The following GALNTL6 variants were observed in gnomAD, a reference collection of about 807,000 sequenced individuals.
GALNTL6 encodes the protein polypeptide N-acetylgalactosaminyltransferase like 6.
GALNTL6 carries 46 observed loss-of-function variants against 73.7 expected under a neutral mutation model. The observed-to-expected ratio is 0.62, with a 90% confidence interval of 0.49 to 0.80. The LOEUF is 0.80. Among genes scored for constraint, GALNTL6 ranks in the 30% least tolerant of loss-of-function variants. The pLI is 0.00. For synonymous variants in GALNTL6, 259 were observed against 263.7 expected (o/e 0.98, Z 0.17); for missense variants, 604 against 755.0 (o/e 0.80, Z 2.34).
chr4:172,034,126 C>T (rs780109612), intron 2 of GALNTL6, among the ~76,000 whole-genome samples: 5 of 152,002 alleles, frequency 3.3e-5, no homozygotes, highest in Admixed American at 1.3e-4. Flanking sequence ...GATATTTGCT[C>T]CAAACCATCT....
intron 7 of GALNTL6, among the ~76,000 whole-genome samples, chr4:172,858,146 G>T (rs1744212045): frequency 6.6e-6 from 1 of 152,070 alleles, no homozygotes; most frequent in Non-Finnish European, 1.5e-5. Context: ...TGAAAAAGGG[G>T]TGACATTCCC....
At chr4:172,347,128 G>A (rs948363475) in intron 4 of GALNTL6, among the ~76,000 whole-genome samples, 1 of 151,284 alleles carries the variant, frequency 6.6e-6, no homozygotes, top group Admixed American at 6.6e-5. Context: ...TAGCTAGGAT[G>A]ACAGGCGTGT....
chr4:172,167,754 C>T (rs1376405877), intron 2 of GALNTL6, among the ~76,000 whole-genome samples: 2 of 148,800 alleles, frequency 1.3e-5, no homozygotes, highest in Non-Finnish European at 3.0e-5. Flanking sequence ...GTCAGGAGAT[C>T]GAGACCATCC....
chr4:172,305,490 AATTAT>A (rs1415132091), intron 3 of GALNTL6, among the ~76,000 whole-genome samples: 37 of 152,290 alleles, frequency 2.4e-4, no homozygotes, highest in African/African-American at 8.4e-4. Context: ...GATAATAGTA[AATTAT>A]ATTATAAATT....
chr4:172,050,566 T>G (rs544734113), intron 2 of GALNTL6, among the ~76,000 whole-genome samples: 1 of 152,174 alleles, frequency 6.6e-6, no homozygotes, highest in Non-Finnish European at 1.5e-5. Context: ...GTGGTCAGAG[T>G]TTAGTCCTTA....
In GALNTL6 at chr4:171,891,972, A is replaced by G. The variant is rs542275553; in HGVS notation, c.138+77254A>G. Among the ~76,000 whole-genome samples the G allele has an allele frequency of 6.6e-5, 10 of 152,338 alleles. No homozygotes were observed. The East Asian group carries it at 1.7e-3, about 26-fold the overall frequency. On this transcript the variant is annotated intron_variant, in intron 2 of 12. Transcript: ENST00000506823. ...CAAAAATCCAAAATCTGAAATGCTCACAAATCCAAAACTTTATAAGTATCA... is the reference window on the plus strand; with the variant it reads ...CAAAAATCCAAAATCTGAAATGCTCGCAAATCCAAAACTTTATAAGTATCA...
intron 2 of GALNTL6, among the ~76,000 whole-genome samples, chr4:172,174,288 T>C (rs1283499728): frequency 6.6e-6 from 1 of 152,246 alleles, no homozygotes; most frequent in East Asian, 1.9e-4. Flanking sequence ...GAAGTGTTTA[T>C]TCTCAATTTC....
intron 2 of GALNTL6, among the ~76,000 whole-genome samples, chr4:171,859,455 G>T (rs184536232): frequency 1.3e-5 from 2 of 152,014 alleles, no homozygotes; most frequent in East Asian, 3.9e-4. Context: ...GGAAGGGAGG[G>T]AGCATGGTGT....
rs1413546109 is a variant in GALNTL6, at chr4:171,883,642, G to GCTTTT, written c.138+68935_138+68939dup. 4.0e-5 allele frequency among the ~76,000 whole-genome samples: 6 copies of GCTTTT among 150,680 alleles called. No homozygotes were observed. The East Asian group carries it at 1.2e-3, about 29-fold the overall frequency. ...AAATTATACATGTTCTTATATATGT[G>GCTTTT]CTTTTCTTTTCTTTTTTTTTTTTGA... On this transcript the variant is annotated intron_variant, in intron 2 of 12. Transcript: ENST00000506823.
intron 9 of GALNTL6, among the ~76,000 whole-genome samples, chr4:172,947,614 C>T (rs1434678569): frequency 6.6e-6 from 1 of 151,394 alleles, no homozygotes; most frequent in Non-Finnish European, 1.5e-5. Context: ...TTAGCAGGTC[C>T]ACCAATGTCC....
rs529738746 is a variant in GALNTL6 at position 172,340,844 on chromosome 4, C to T, written c.387-7679C>T. Among the ~76,000 whole-genome samples the T allele has an allele frequency of 2.6e-5, 4 of 152,266 alleles. No homozygotes were observed. In the South Asian group the frequency reaches 8.3e-4, roughly 32 times the overall value. ...CTCTAATCCATTCTTGGGTTTTATTCTCCAGATAAGGGTTGTTCCTTTGTA... is the reference window on the plus strand; with the variant it reads ...CTCTAATCCATTCTTGGGTTTTATTTTCCAGATAAGGGTTGTTCCTTTGTA... On this transcript the variant is annotated intron_variant, in intron 4 of 12. Transcript: ENST00000506823.
chr4:172,403,403 C>T (rs926226051), intron 5 of GALNTL6, among the ~76,000 whole-genome samples: 1 of 151,976 alleles, frequency 6.6e-6, no homozygotes, highest in African/African-American at 2.4e-5. Flanking sequence ...GCCGTACATG[C>T]CATGAAGAGA....
intron 2 of GALNTL6, among the ~76,000 whole-genome samples, chr4:171,884,319 T>C (rs1437023666): frequency 6.6e-6 from 1 of 152,170 alleles, no homozygotes; most frequent in African/African-American, 2.4e-5. Flanking sequence ...AGAAAAGTAG[T>C]ATTTATTACC....
chr4:173,021,705 C>T (rs1210327766), intron 12 of GALNTL6, 80 bp downstream of exon 12: 10 of 1,454,536 alleles, frequency 6.9e-6, no homozygotes, highest in East Asian at 4.6e-5. Context: ...GAAAACACAC[C>T]GTTTTAGGCC....
At chr4:172,012,355 A>T (rs1470765554) in intron 2 of GALNTL6, among the ~76,000 whole-genome samples, 2 of 151,918 alleles carry the variant, frequency 1.3e-5, no homozygotes, top group Non-Finnish European at 2.9e-5. Context: ...TCCAGGGTCT[A>T]CTCTCTAGGC....
At chr4:171,986,948 C>T (rs372101637) in intron 2 of GALNTL6, among the ~76,000 whole-genome samples, 11 of 152,166 alleles carry the variant, frequency 7.2e-5, no homozygotes, top group South Asian at 2.1e-4. Flanking sequence ...CAGTGTAAAC[C>T]GGCAGTGTAA....
intron 5 of GALNTL6, among the ~76,000 whole-genome samples, chr4:172,602,110 G>A (rs1413012075): frequency 6.6e-6 from 1 of 151,972 alleles, no homozygotes; most frequent in African/African-American, 2.4e-5. Context: ...TTTATATCTA[G>A]TGAGAATATA....
chr4:172,062,962 G>A (rs2110885226), intron 2 of GALNTL6, among the ~76,000 whole-genome samples: 2 of 152,306 alleles, frequency 1.3e-5, no homozygotes, highest in East Asian at 1.9e-4. Context: ...CCCACCATCT[G>A]TATGGATTCT....
chr4:171,830,637 A>T (rs948087153), intron 2 of GALNTL6, among the ~76,000 whole-genome samples: 3 of 152,130 alleles, frequency 2.0e-5, no homozygotes, highest in African/African-American at 7.2e-5. Context: ...TTGTTCTGTC[A>T]ACCTTATCCT....
Sources: allele counts gnomAD v4.1 joint callset (sites outside exome capture counted in the v4.1 genomes callset), GRCh38; gene constraint gnomAD v4.1.1; transcripts MANE v1.5; gene names NCBI Gene and HGNC (gene_info 2026-07-23, HGNC 2026-07-21).